FUT8: variants seen among roughly 807,000 people sequenced by gnomAD.
FUT8 encodes alpha-(1,6)-fucosyltransferase.
A neutral mutation model predicts 71.3 loss-of-function variants in FUT8; 29 were observed. That is an observed-to-expected ratio of 0.41 (90% CI 0.30 to 0.55). FUT8 has a LOEUF of 0.55. FUT8 is among the 20% of genes least tolerant of loss of function. The pLI is 0.34. For missense variants in FUT8, 544 were observed against 702.1 expected, an observed-to-expected ratio of 0.77 and a Z score of 2.55; for synonymous variants, 254 against 239.3, an observed-to-expected ratio of 1.06 and a Z score of -0.57.
At chr14:65,639,188 G>A (rs1307366905) in intron 6 of FUT8, among the ~76,000 whole-genome samples, 2 of 152,094 alleles carry the variant, frequency 1.3e-5, no homozygotes, top group Non-Finnish European at 2.9e-5. Flanking sequence ...GTAGCAGAGG[G>A]GATTGCTATA....
intron 6 of FUT8, among the ~76,000 whole-genome samples, chr14:65,654,119 C>T (rs558140401): frequency 1.3e-5 from 2 of 151,992 alleles, no homozygotes; most frequent in African/African-American, 4.8e-5. Context: ...TTACAATGGC[C>T]GATGTGGTTC....
At chr14:65,701,298 C>T (rs148454269) in intron 7 of FUT8, among the ~76,000 whole-genome samples, 21 of 152,018 alleles carry the variant, frequency 1.4e-4, no homozygotes, top group Non-Finnish European at 2.6e-4. Flanking sequence ...TATTTAAGGA[C>T]GGAAGCAAAA....
At chr14:65,736,612 A>G (rs1460583283) in intron 10 of FUT8, among the ~76,000 whole-genome samples, 1 of 152,032 alleles carries the variant, frequency 6.6e-6, no homozygotes, top group Non-Finnish European at 1.5e-5. Context: ...GTGAGTGAAG[A>G]CTTAGTATTT....
upstream of FUT8, chr14:65,411,371 A>G (rs2065121661): frequency 6.6e-6 from 1 of 152,444 alleles, no homozygotes; most frequent in South Asian, 2.1e-4. Context: ...AGAGCTGACA[A>G]TAAATACGAG....
intron 6 of FUT8, among the ~76,000 whole-genome samples, chr14:65,642,597 C>T (rs1428040257): frequency 1.9e-4 from 20 of 104,774 alleles, no homozygotes; most frequent in Admixed American, 4.7e-4. Context: ...AGTGAGACTC[C>T]GTCTCAAAAA....
At chr14:65,395,728 C>T in the FUT8 span, among the ~76,000 whole-genome samples, 1 of 152,228 alleles carries the variant, frequency 6.6e-6, no homozygotes, top group South Asian at 2.1e-4. Context: ...CTCTGACATG[C>T]CCTGGAGGCA....
chr14:65,460,104 G>T (rs2065950241), intron 2 of FUT8, among the ~76,000 whole-genome samples: 1 of 152,116 alleles, frequency 6.6e-6, no homozygotes, highest in Non-Finnish European at 1.5e-5. Context: ...ACATCTCATT[G>T]TATTGTACCA....
chr14:65,556,867 T>C (rs1045674407), intron 2 of FUT8, among the ~76,000 whole-genome samples: 5 of 152,216 alleles, frequency 3.3e-5, no homozygotes, highest in Non-Finnish European at 7.3e-5. Flanking sequence ...TTTCCAGTAT[T>C]CTCTGGGAGA....
At chr14:65,585,695 G>C (rs1222068966) in intron 3 of FUT8, among the ~76,000 whole-genome samples, 1 of 152,126 alleles carries the variant, frequency 6.6e-6, no homozygotes, top group Non-Finnish European at 1.5e-5. Context: ...TTCATAAATT[G>C]TTAAACAACA....
rs879587131 is a variant in FUT8 at position 65,604,011 on chromosome 14, GTCC to G, written c.204-11966_204-11964del. Among the ~76,000 whole-genome samples, 878 of 151,774 alleles carry G rather than the reference GTCC, an allele frequency of 5.8e-3. 34 individuals are homozygous for G. In the East Asian group the frequency reaches 0.093, roughly 16 times the overall value. On this transcript the variant is annotated intron_variant, in intron 3 of 10. Coordinates refer to ENST00000673929, the MANE Select transcript of FUT8 (RefSeq NM_001371533.1). ...GCAACTAAAAAAGACAAAAGGCCTT[GTCC>G]AACAAGGCCTTTTACAATCCTAAAC...
At chr14:65,363,477 G>T in the FUT8 span, among the ~76,000 whole-genome samples, 1 of 152,074 alleles carries the variant, frequency 6.6e-6, no homozygotes, top group African/African-American at 2.4e-5. Flanking sequence ...GGCTTGTCTC[G>T]AACTCCTGAC....
At chr14:65,389,930 C>A in the FUT8 span, among the ~76,000 whole-genome samples, 1 of 151,186 alleles carries the variant, frequency 6.6e-6, no homozygotes, top group Admixed American at 6.6e-5. Flanking sequence ...ATCATGAGGT[C>A]AGGAGATCGA....
chr14:65,390,633 A>G, the FUT8 span, among the ~76,000 whole-genome samples: 3 of 151,950 alleles, frequency 2.0e-5, no homozygotes, highest in African/African-American at 7.2e-5. Context: ...AGACTAGATG[A>G]TGTATTTAAA....
intron 7 of FUT8, among the ~76,000 whole-genome samples, chr14:65,695,066 G>GGT (rs996039171): frequency 2.0e-5 from 3 of 152,116 alleles, no homozygotes; most frequent in Non-Finnish European, 4.4e-5. Flanking sequence ...AATTTGTTAA[G>GGT]GTGTGTTTTG....
At chr14:65,378,083 T>G in the FUT8 span, among the ~76,000 whole-genome samples, 1 of 152,230 alleles carries the variant, frequency 6.6e-6, no homozygotes, top group African/African-American at 2.4e-5. Flanking sequence ...TGTTACTTAT[T>G]ATTTAACTCA....
chr14:65,664,951 C>G (rs1892136574), intron 6 of FUT8, among the ~76,000 whole-genome samples: 1 of 146,670 alleles, frequency 6.8e-6, no homozygotes, highest in African/African-American at 2.5e-5. Flanking sequence ...CAAATTAAAG[C>G]AGAGTTGAAC....
chr14:65,662,805 C>T (rs959542866), intron 6 of FUT8, among the ~76,000 whole-genome samples: 2 of 152,162 alleles, frequency 1.3e-5, no homozygotes, highest in East Asian at 1.9e-4. Context: ...GAAACCAAAT[C>T]ACACAACTGA....
At chr14:65,530,510 C>T (rs1883870035) in intron 2 of FUT8, among the ~76,000 whole-genome samples, 1 of 152,150 alleles carries the variant, frequency 6.6e-6, no homozygotes, top group East Asian at 1.9e-4. Context: ...TGATATGTCT[C>T]ACCCATTTCA....
chr14:65,622,289 A>G (rs974187990), intron 5 of FUT8, among the ~76,000 whole-genome samples: 9 of 152,268 alleles, frequency 5.9e-5, no homozygotes, highest in Non-Finnish European at 5.9e-5. Flanking sequence ...TATAATTCCT[A>G]TAGCACAGCA....
Sources: allele counts gnomAD v4.1 joint callset (sites outside exome capture counted in the v4.1 genomes callset), GRCh38; gene constraint gnomAD v4.1.1; transcripts MANE v1.5; gene names NCBI Gene and HGNC (gene_info 2026-07-23, HGNC 2026-07-21).